The following DPH6 variants were observed in gnomAD, a reference collection of about 807,000 sequenced individuals.
The protein encoded by DPH6 is diphthine--ammonia ligase.
Under a neutral mutation model 38.2 loss-of-function variants are expected in DPH6, and 33 were observed. The observed-to-expected ratio is 0.86, with a 90% CI of 0.65 to 1.15. The LOEUF is 1.15. Among genes scored for constraint, DPH6 ranks in the 50% most tolerant of loss-of-function variants. DPH6 has a pLI of 0.00. For synonymous variants in DPH6, 108 were observed against 103.0 expected (o/e 1.05, Z -0.30); for missense variants, 325 against 320.0 (o/e 1.02, Z -0.12).
chr15:35,189,594 A>G, the DPH6 span, among the ~76,000 whole-genome samples: 7 of 152,252 alleles, frequency 4.6e-5, no homozygotes, highest in Non-Finnish European at 8.8e-5. Flanking sequence ...GGCATTGGTT[A>G]TAATTTACAC....
intron 3 of DPH6, among the ~76,000 whole-genome samples, chr15:35,253,649 A>G (rs983162124): frequency 9.2e-5 from 14 of 151,894 alleles, no homozygotes; most frequent in African/African-American, 3.1e-4. Context: ...TTCTCCCATC[A>G]CTCTATGCCT....
intron 3 of DPH6, chr15:35,237,522 T>A (rs2051562014): frequency 6.4e-7 from 1 of 1,557,824 alleles, no homozygotes; most frequent in African/African-American, 1.4e-5. Context: ...TTAAACAAAC[T>A]TAAGAAGCTT....
chr15:35,409,016 G>C (rs1055506489), intron 6 of DPH6, among the ~76,000 whole-genome samples: 3 of 151,902 alleles, frequency 2.0e-5, no homozygotes, highest in Admixed American at 2.0e-4. Flanking sequence ...CAAAGAGAGC[G>C]AGAATAAAGA....
At chr15:35,425,621 A>G (rs1311978499) in intron 5 of DPH6, among the ~76,000 whole-genome samples, 1 of 150,552 alleles carries the variant, frequency 6.6e-6, no homozygotes, top group Non-Finnish European at 1.5e-5. Context: ...ACCTATATAC[A>G]TATCTAATGT....
At chr15:35,381,731 TCCCAACAAAAG>T in intron 7 of DPH6, 80 bp downstream of exon 7, 1 of 953,534 alleles carries the variant, frequency 1.0e-6, no homozygotes, top group Admixed American at 2.1e-5. Flanking sequence ...GTTCTATTTT[TCCCAACAAAAG>T]TTGCCTCAAG....
chr15:35,474,322 C>A (rs1450805480), intron 3 of DPH6, among the ~76,000 whole-genome samples: 1 of 152,016 alleles, frequency 6.6e-6, no homozygotes, highest in Non-Finnish European at 1.5e-5. Context: ...ACTAGAGTCA[C>A]GAGGTTTCAA....
intron 3 of DPH6, chr15:35,282,587 T>C: frequency 5.7e-6 from 2 of 353,794 alleles, no homozygotes; most frequent in Non-Finnish European, 1.2e-5. Context: ...GGCTGGGTGA[T>C]GCTCCAGAAT....
intron 3 of DPH6, among the ~76,000 whole-genome samples, chr15:35,295,868 T>C (rs1164786460): frequency 6.6e-6 from 1 of 152,198 alleles, no homozygotes; most frequent in Non-Finnish European, 1.5e-5. Context: ...TATGTATGCA[T>C]TGTGCATATT....
At chr15:35,514,648 T>TA (rs966006323) in intron 3 of DPH6, among the ~76,000 whole-genome samples, 2 of 152,120 alleles carry the variant, frequency 1.3e-5, no homozygotes, top group African/African-American at 4.8e-5. Flanking sequence ...GTGGAAGCAC[T>TA]AAAAAAACTA....
At chr15:35,245,059 A>G (rs1046622227) in intron 3 of DPH6, among the ~76,000 whole-genome samples, 2 of 152,114 alleles carry the variant, frequency 1.3e-5, no homozygotes, top group African/African-American at 4.8e-5. Flanking sequence ...TTCATGCTAC[A>G]TATTGTTAGT....
Position 35,290,825 on chromosome 15 carries a change from C to CACAT in DPH6, n.201-70247_201-70244dup, listed in dbSNP as rs759359561. 2.8e-4 allele frequency among the ~76,000 whole-genome samples: 42 copies of CACAT among 151,576 alleles called. 1 individual carries two copies. The highest frequency in any genetic ancestry group is 1.1e-3 in the Admixed American group (17 of 15,230). On this transcript the variant is annotated intron_variant and non_coding_transcript_variant, in intron 3 of 3. Transcript: ENST00000560386. ...GTGTGATACTTTTTTTTTTTGTCAG[C>CACAT]ACATATAATCCCAAGTAACTAATTA...
At chr15:35,434,092 G>A (rs2141039179) in intron 5 of DPH6, among the ~76,000 whole-genome samples, 1 of 152,216 alleles carries the variant, frequency 6.6e-6, no homozygotes, top group Middle Eastern at 3.4e-3. Flanking sequence ...TTATAAACTA[G>A]TACAAATCAG....
At chr15:35,529,708 T>A (rs1051216696) in intron 3 of DPH6, among the ~76,000 whole-genome samples, 4 of 152,172 alleles carry the variant, frequency 2.6e-5, no homozygotes, top group African/African-American at 9.7e-5. Flanking sequence ...TACTGGTACA[T>A]TATAAGCATT....
At chr15:35,351,028 C>G (rs1238634926) in intron 3 of DPH6, among the ~76,000 whole-genome samples, 1 of 152,170 alleles carries the variant, frequency 6.6e-6, no homozygotes, top group Non-Finnish European at 1.5e-5. Context: ...ATATTAAAAT[C>G]TCTATCATTA....
chr15:35,420,989 A>G (rs2053498028), intron 5 of DPH6, among the ~76,000 whole-genome samples: 2 of 152,210 alleles, frequency 1.3e-5, no homozygotes. Context: ...TGTATTATTA[A>G]CAACAGTTAA....
the DPH6 span, among the ~76,000 whole-genome samples, chr15:35,183,449 A>G: frequency 1.3e-5 from 2 of 152,230 alleles, no homozygotes; most frequent in African/African-American, 4.8e-5. Context: ...TAGTGTCTAA[A>G]AGGACCCTGC....
chr15:35,448,495 T>C (rs1279601752), intron 5 of DPH6, among the ~76,000 whole-genome samples: 3 of 152,120 alleles, frequency 2.0e-5, no homozygotes, highest in Non-Finnish European at 4.4e-5. Flanking sequence ...GATATACACA[T>C]ACAGACATAT....
chr15:35,384,608 A>AGCCGAGATCGCACCATTGCACTCCAGG (rs2052919971), intron 6 of DPH6, among the ~76,000 whole-genome samples: 2 of 152,148 alleles, frequency 1.3e-5, no homozygotes, highest in Admixed American at 1.3e-4. Flanking sequence ...GGTTGCAGTG[A>AGCCGAGATCGCACCATTGCACTCCAGG]GCCGAGATCG....
intron 2 of DPH6, among the ~76,000 whole-genome samples, chr15:35,539,221 A>G (rs370749818): frequency 9.9e-5 from 15 of 152,158 alleles, no homozygotes; most frequent in African/African-American, 3.6e-4. Context: ...ACTTTTTAGA[A>G]AAAGAATCAT....
Sources: allele counts gnomAD v4.1 joint callset (sites outside exome capture counted in the v4.1 genomes callset), GRCh38; gene constraint gnomAD v4.1.1; transcripts MANE v1.5; gene names NCBI Gene and HGNC (gene_info 2026-07-23, HGNC 2026-07-21).